The following DOCK4 variants were observed in gnomAD, a reference collection of about 807,000 sequenced individuals.
DOCK4 encodes dedicator of cytokinesis 4, also known as dedicator of cytokinesis protein 4.
DOCK4 carries 97 observed loss-of-function variants against 268.1 expected under a neutral mutation model. The ratio of observed to expected loss-of-function variants is 0.36; its 90% CI spans 0.31 to 0.43. The LOEUF (loss-of-function observed/expected upper bound fraction) is 0.43. DOCK4 is among the 20% of genes least tolerant of loss of function. DOCK4 has a pLI of 1.00. For missense variants in DOCK4, 2,145 were observed against 2,455.7 expected, an observed-to-expected ratio of 0.87 and a Z score of 2.67; for synonymous variants, 954 against 887.2, an observed-to-expected ratio of 1.08 and a Z score of -1.34.
chr7:112,063,407 T>C (rs563027956), intron 1 of DOCK4, among the ~76,000 whole-genome samples: 1 of 152,314 alleles, frequency 6.6e-6, no homozygotes, highest in East Asian at 1.9e-4. Context: ...TTAATACACT[T>C]AACCTACTGA....
chr7:112,104,309 G>T (rs1810948061), intron 1 of DOCK4, among the ~76,000 whole-genome samples: 1 of 152,134 alleles, frequency 6.6e-6, no homozygotes, highest in Non-Finnish European at 1.5e-5. Context: ...ATACCATTCA[G>T]CAATTATTAC....
At chr7:111,872,143 T>A in intron 19 of DOCK4, 53 bp from the exon 20 acceptor site, 1 of 985,914 alleles carries the variant, frequency 1.0e-6, no homozygotes, top group Non-Finnish European at 1.4e-6. Flanking sequence ...AAGGTTTTCC[T>A]TTTTTTTTTG....
At chr7:111,977,353 G>T in intron 7 of DOCK4, 70 bp from the exon 8 acceptor site, 1 of 1,517,020 alleles carries the variant, frequency 6.6e-7, no homozygotes, top group Non-Finnish European at 8.9e-7. Context: ...CAACAAACTA[G>T]TTAGCTATGA....
intron 1 of DOCK4, among the ~76,000 whole-genome samples, chr7:112,168,167 C>T (rs1347687559): frequency 6.6e-6 from 1 of 152,120 alleles, no homozygotes; most frequent in African/African-American, 2.4e-5. Context: ...TTTAAACTAC[C>T]TTTACATCAT....
chr7:111,962,761 G>A (rs879546473), intron 8 of DOCK4, among the ~76,000 whole-genome samples: 6 of 152,168 alleles, frequency 3.9e-5, no homozygotes, highest in Non-Finnish European at 7.4e-5. Context: ...TGGAAATGAA[G>A]TATTTCAAGA....
chr7:112,197,506 G>A (rs17159351), intron 1 of DOCK4, among the ~76,000 whole-genome samples: 41,365 of 152,084 alleles, frequency 0.27, 6,377 homozygotes, highest in African/African-American at 0.43. Flanking sequence ...TTTGGGAGAA[G>A]ACTGTCACAG....
chr7:111,800,606 C>T (rs563844429), intron 30 of DOCK4, among the ~76,000 whole-genome samples: 93 of 152,178 alleles, frequency 6.1e-4, no homozygotes, highest in African/African-American at 2.0e-3. Context: ...TCTATAGGAC[C>T]CCCACTAATG....
intron 7 of DOCK4, among the ~76,000 whole-genome samples, chr7:111,979,005 T>C (rs534506643): frequency 2.0e-5 from 3 of 152,264 alleles, no homozygotes; most frequent in African/African-American, 7.2e-5. Context: ...AAAAAAATAG[T>C]TCAGGGATTT....
intron 16 of DOCK4, among the ~76,000 whole-genome samples, chr7:111,885,118 T>C (rs936093426): frequency 2.0e-5 from 3 of 152,214 alleles, no homozygotes; most frequent in African/African-American, 7.2e-5. Context: ...AAGTATGGTT[T>C]GGCACTGCCT....
intron 6 of DOCK4, among the ~76,000 whole-genome samples, chr7:111,986,297 T>A (rs961611070): frequency 6.6e-6 from 1 of 152,212 alleles, no homozygotes; most frequent in African/African-American, 2.4e-5. Context: ...CCTACATGGC[T>A]GCAGAATGAG....
intron 17 of DOCK4, among the ~76,000 whole-genome samples, chr7:111,873,835 G>A (rs1363277033): frequency 6.6e-6 from 1 of 151,842 alleles, no homozygotes; most frequent in Non-Finnish European, 1.5e-5. Context: ...AACAAACACG[G>A]GTAAGAGGAG....
At chr7:112,114,358 T>A (rs941759861) in intron 1 of DOCK4, among the ~76,000 whole-genome samples, 6 of 152,322 alleles carry the variant, frequency 3.9e-5, no homozygotes, top group Admixed American at 3.9e-4. Context: ...AAATAACACA[T>A]TTTCCAAAAT....
intron 8 of DOCK4, among the ~76,000 whole-genome samples, chr7:111,947,561 G>A (rs1443771043): frequency 1.4e-5 from 2 of 147,958 alleles, no homozygotes; most frequent in African/African-American, 5.0e-5. Context: ...AAGTTCACAT[G>A]TGATATTATT....
intron 16 of DOCK4, among the ~76,000 whole-genome samples, chr7:111,884,579 C>T (rs967413764): frequency 1.3e-5 from 2 of 152,114 alleles, no homozygotes; most frequent in African/African-American, 2.4e-5. Context: ...TTGTGGGAGA[C>T]ACCCTGAGAG....
rs187795474 is a variant in DOCK4 at position 111,747,999 on chromosome 7, A to G, written c.4417-556T>C. Among the ~76,000 whole-genome samples, 3 of 152,282 alleles carry G rather than the reference A, an allele frequency of 2.0e-5. No homozygotes were observed. The East Asian group carries it at 5.8e-4, about 29-fold the overall frequency. On this transcript the variant is annotated intron_variant, in intron 42 of 52. Coordinates refer to ENST00000428084, the MANE Select transcript of DOCK4 (RefSeq NM_001363540.2). Reference sequence around the variant, plus strand: ...ACAGTTGGGAATTATAGAAAACAAGATAATATATACTGCAGGATCTATTTG... The same window carrying G: ...ACAGTTGGGAATTATAGAAAACAAGGTAATATATACTGCAGGATCTATTTG...
At chr7:111,763,188 A>G (rs751904455) in intron 39 of DOCK4, among the ~76,000 whole-genome samples, 4 of 152,218 alleles carry the variant, frequency 2.6e-5, no homozygotes, top group Non-Finnish European at 5.9e-5. Context: ...TCTGGCCTCA[A>G]GCAATTCTCT....
chr7:112,149,396 C>A (rs930026200), intron 1 of DOCK4, among the ~76,000 whole-genome samples: 1 of 151,964 alleles, frequency 6.6e-6, no homozygotes, highest in South Asian at 2.1e-4. Flanking sequence ...TCTGAGCACA[C>A]GTGATAATTT....
intron 1 of DOCK4, among the ~76,000 whole-genome samples, chr7:112,037,582 C>T (rs1159258602): frequency 6.6e-6 from 1 of 152,280 alleles, no homozygotes; most frequent in East Asian, 1.9e-4. Context: ...CCTTCTTTTG[C>T]TCAATATAAT....
chr7:112,062,312 G>T (rs928441842), intron 1 of DOCK4, among the ~76,000 whole-genome samples: 6 of 152,124 alleles, frequency 3.9e-5, no homozygotes, highest in African/African-American at 1.4e-4. Flanking sequence ...AAGCAAAGTA[G>T]GTTTAAAAAC....
Sources: allele counts gnomAD v4.1 joint callset (sites outside exome capture counted in the v4.1 genomes callset), GRCh38; gene constraint gnomAD v4.1.1; transcripts MANE v1.5; gene names NCBI Gene and HGNC (gene_info 2026-07-23, HGNC 2026-07-21).